The following FOXN3 variants were observed in gnomAD, a reference collection of about 807,000 sequenced individuals.
FOXN3 encodes forkhead box protein N3.
Under a neutral mutation model 38.4 loss-of-function variants are expected in FOXN3, and 7 were observed. That is an observed-to-expected ratio of 0.18 (90% confidence interval 0.10 to 0.34). The LOEUF is 0.34. Ranked by LOEUF, FOXN3 falls within the 10% of genes least tolerant of loss-of-function variation. The probability of loss-of-function intolerance (pLI) is 1.00; values close to 1 mark genes in which losing one functional copy is unlikely to be tolerated. For synonymous variants in FOXN3, 230 were observed against 242.2 expected (o/e 0.95, Z 0.47); for missense variants, 456 against 613.4 (o/e 0.74, Z 2.71).
chr14:89,249,426 C>A (rs1409709535), intron 4 of FOXN3, among the ~76,000 whole-genome samples: 1 of 152,212 alleles, frequency 6.6e-6, no homozygotes, highest in Non-Finnish European at 1.5e-5. Flanking sequence ...TTACAAGCAT[C>A]ACAGCCTTTG....
chr14:89,532,824 G>C (rs929301484), intron 1 of FOXN3, among the ~76,000 whole-genome samples: 2 of 152,146 alleles, frequency 1.3e-5, no homozygotes, highest in African/African-American at 2.4e-5. Context: ...GTAGGCACCA[G>C]ATAAAAGACA....
intron 1 of FOXN3, among the ~76,000 whole-genome samples, chr14:89,416,096 G>T (rs1250982558): frequency 6.6e-6 from 1 of 152,144 alleles, no homozygotes; most frequent in African/African-American, 2.4e-5. Context: ...AGCGAGTTTG[G>T]GGGGCCGGGT....
At chr14:89,261,248 C>A (rs1240392617) in intron 4 of FOXN3, among the ~76,000 whole-genome samples, 1 of 152,172 alleles carries the variant, frequency 6.6e-6, no homozygotes, top group Non-Finnish European at 1.5e-5. Flanking sequence ...GTATGGCAGG[C>A]ATGGGAGCAA....
rs1227001410 is a variant in FOXN3 at position 89,162,327 on chromosome 14, T to A, written c.*87A>T. 9 of 1,110,652 alleles carry A rather than the reference T, an allele frequency of 8.1e-6. No homozygotes were observed. Among genetic ancestry groups the A allele is most frequent in the East Asian group, 2.7e-5 (1 of 37,242 alleles). The allele number at this position is 1,110,652 out of a possible 1,614,324, so 68.8% of individuals were successfully genotyped here. On this transcript the variant is annotated 3_prime_UTR_variant, in exon 6 of 6. Transcript: ENST00000557258. This position sits in a 1 kb window ranked among gnomAD's most constrained non-coding sequence, Gnocchi z 7.2. ...CAAAAACAAGAAAAAAGAAAAAAAA[T>A]TGCTGATATTGCCACAAATCATTAG...
At chr14:89,516,145 G>A (rs1487824893) in intron 1 of FOXN3, among the ~76,000 whole-genome samples, 1 of 152,144 alleles carries the variant, frequency 6.6e-6, no homozygotes, top group African/African-American at 2.4e-5. Context: ...TTGTTTGTGA[G>A]GCACCAACCA....
At chr14:89,434,628 C>T (rs767904175) in intron 1 of FOXN3, among the ~76,000 whole-genome samples, 3 of 152,142 alleles carry the variant, frequency 2.0e-5, no homozygotes, top group Non-Finnish European at 4.4e-5. Flanking sequence ...CCCATCTGAA[C>T]CCTTGGGAAG....
intron 3 of FOXN3, among the ~76,000 whole-genome samples, chr14:89,337,207 C>T (rs1888486968): frequency 6.6e-6 from 1 of 152,174 alleles, no homozygotes; most frequent in Admixed American, 6.5e-5. Context: ...CGATCTTCCT[C>T]TTTTAGCAGG....
chr14:89,518,984 T>C (rs1026695191), intron 1 of FOXN3, among the ~76,000 whole-genome samples: 1 of 152,134 alleles, frequency 6.6e-6, no homozygotes, highest in Non-Finnish European at 1.5e-5. Flanking sequence ...CACTGCACTC[T>C]AGCCTGGGCA....
intron 1 of FOXN3, among the ~76,000 whole-genome samples, chr14:89,452,952 A>T (rs1009441509): frequency 6.6e-6 from 1 of 152,210 alleles, no homozygotes; most frequent in Non-Finnish European, 1.5e-5. Context: ...TAATCCCAGC[A>T]CTTTGGAAGG....
chr14:89,573,992 T>C (rs929004804), intron 1 of FOXN3, among the ~76,000 whole-genome samples: 4 of 152,078 alleles, frequency 2.6e-5, no homozygotes, highest in South Asian at 2.1e-4. Flanking sequence ...GATGGTGCCA[T>C]TGCATTCCAG....
At chr14:89,400,334 C>G (rs1277340596) in intron 2 of FOXN3, among the ~76,000 whole-genome samples, 1 of 152,138 alleles carries the variant, frequency 6.6e-6, no homozygotes, top group Non-Finnish European at 1.5e-5. Flanking sequence ...CCAGAAATCT[C>G]TTTATTTTCC....
At chr14:89,404,266 T>C (rs1891326636) in intron 2 of FOXN3, among the ~76,000 whole-genome samples, 1 of 151,254 alleles carries the variant, frequency 6.6e-6, no homozygotes, top group Non-Finnish European at 1.5e-5. Context: ...TCTCAGCACT[T>C]TGGGAGGCCG....
intron 1 of FOXN3, among the ~76,000 whole-genome samples, chr14:89,523,172 C>T (rs1894357142): frequency 6.6e-6 from 1 of 152,026 alleles, no homozygotes; most frequent in African/African-American, 2.4e-5. Context: ...CATAACAACC[C>T]TAAATGTCTA....
chr14:89,573,652 G>A (rs1241427529), intron 1 of FOXN3, among the ~76,000 whole-genome samples: 1 of 152,202 alleles, frequency 6.6e-6, no homozygotes, highest in East Asian at 1.9e-4. Flanking sequence ...TTTGCACATA[G>A]ACAATACCTG....
chr14:89,536,809 T>TA (rs1489879938), intron 1 of FOXN3, among the ~76,000 whole-genome samples: 63 of 152,032 alleles, frequency 4.1e-4, no homozygotes, highest in African/African-American at 1.5e-3. Flanking sequence ...AAAAGATTTT[T>TA]AAAAAAAGAT....
chr14:89,165,022 T>G (rs1887203983), intron 5 of FOXN3, among the ~76,000 whole-genome samples: 1 of 152,180 alleles, frequency 6.6e-6, no homozygotes, highest in Non-Finnish European at 1.5e-5. Context: ...GCAAAATGTA[T>G]GAGGGTCATT....
Position 89,395,936 on chromosome 14 carries a change from G to A in FOXN3, c.543+15998C>T, listed in dbSNP as rs578221694. 3.9e-5 allele frequency among the ~76,000 whole-genome samples: 6 copies of A among 152,136 alleles called. No individual in the cohort carries two copies. The South Asian group carries it at 1.2e-3, about 32-fold the overall frequency. On this transcript the variant is annotated intron_variant, in intron 2 of 5. Transcript: ENST00000557258. ...TCCAGTCACACTTGTCACTACTTCT[G>A]GGAAATATGCAAACTCTCCACATAA... is the stretch of plus-strand genomic sequence containing the variant.
At chr14:89,488,945 T>C (rs1418474046) in intron 1 of FOXN3, among the ~76,000 whole-genome samples, 1 of 152,172 alleles carries the variant, frequency 6.6e-6, no homozygotes, top group East Asian at 1.9e-4. Flanking sequence ...ACATCTCCAA[T>C]TAGAGGAAAA....
intron 1 of FOXN3, among the ~76,000 whole-genome samples, chr14:89,593,933 T>C (rs1365604336): frequency 1.3e-5 from 2 of 152,206 alleles, no homozygotes; most frequent in African/African-American, 4.8e-5. Context: ...GTCTATTTTT[T>C]GAGCTTTATA....
Sources: gnomAD v4.1 joint callset for allele counts (sites outside exome capture counted in the v4.1 genomes callset) on GRCh38, gnomAD v4.1.1 for gene constraint, Gnocchi (gnomAD v3.1) non-coding constraint, MANE v1.5 for transcripts, NCBI Gene and HGNC (gene_info 2026-07-23, HGNC 2026-07-21) for gene names.